The following DIP2B variants were observed in gnomAD, a reference collection of about 807,000 sequenced individuals.
DIP2B encodes disco-interacting protein 2 homolog B.
DIP2B carries 76 observed loss-of-function variants against 198.0 expected under a neutral mutation model. The observed-to-expected ratio is 0.38, with a 90% confidence interval of 0.32 to 0.46. The LOEUF (loss-of-function observed/expected upper bound fraction) is 0.46. Among genes scored for constraint, DIP2B ranks in the 20% least tolerant of loss-of-function variants. The pLI is 0.99. For synonymous variants in DIP2B, 701 were observed against 739.1 expected (o/e 0.95, Z 0.84); for missense variants, 1,559 against 1,978.4 (o/e 0.79, Z 4.02).
chr12:50,543,331 C>T (rs1958343258), intron 1 of DIP2B, among the ~76,000 whole-genome samples: 1 of 151,750 alleles, frequency 6.6e-6, no homozygotes, highest in South Asian at 2.1e-4. Flanking sequence ...TCGCTGTCAC[C>T]TAGGCTGGAG....
chr12:50,561,899 A>G (rs1958522464), intron 1 of DIP2B, among the ~76,000 whole-genome samples: 1 of 152,144 alleles, frequency 6.6e-6, no homozygotes, highest in Non-Finnish European at 1.5e-5. Flanking sequence ...ATGAACCACC[A>G]TGCCTGACCT....
chr12:50,647,282 G>T (rs931610334), intron 3 of DIP2B, among the ~76,000 whole-genome samples: 9 of 151,916 alleles, frequency 5.9e-5, no homozygotes, highest in African/African-American at 2.2e-4. Context: ...TCTCCCCCCC[G>T]CCCAAAACAA....
rs138561571 is a variant in DIP2B at position 50,693,448 on chromosome 12, T to C, written c.1719+435T>C. ...GACATTTCAAGTGGCAAAACTACTA[T>C]ATGTAACATGCCATATAGGTGGAGA... is the stretch of plus-strand genomic sequence containing the variant. On this transcript the variant is annotated intron_variant, in intron 14 of 37. Transcript: ENST00000301180. Among the ~76,000 whole-genome samples, 5 of 152,236 alleles carry C rather than the reference T, an allele frequency of 3.3e-5. 1 individual carries two copies. Among genetic ancestry groups the C allele is most frequent in the South Asian group, 2.1e-4 (1 of 4,826 alleles).
chr12:50,681,777 T>C (rs2139536088), intron 9 of DIP2B, among the ~76,000 whole-genome samples: 1 of 152,290 alleles, frequency 6.6e-6, no homozygotes, highest in East Asian at 1.9e-4. Context: ...AAAGGGCACA[T>C]AAAGGATGGC....
In DIP2B at chr12:50,697,187, G is replaced by T; in HGVS notation, c.2048+12G>T. 1 of 1,610,776 alleles carries T rather than the reference G, an allele frequency of 6.2e-7. No homozygotes were observed. Among genetic ancestry groups the T allele is most frequent in the South Asian group, 1.1e-5 (1 of 90,792 alleles). ...GTAGCAATCCGCAGGTACTGTTCAG[G>T]ATGTCAGATGCTCTTGATGTATGTT... On this transcript the variant is annotated intron_variant, in intron 17 of 37. Coordinates refer to ENST00000301180, the MANE Select transcript of DIP2B (RefSeq NM_173602.3).
chr12:50,730,742 T>A (rs1483095540), intron 30 of DIP2B, among the ~76,000 whole-genome samples: 1 of 152,182 alleles, frequency 6.6e-6, no homozygotes, highest in Non-Finnish European at 1.5e-5. Context: ...TTATCGGCCT[T>A]TGTAAATGTT....
intron 1 of DIP2B, among the ~76,000 whole-genome samples, chr12:50,516,241 C>CTCTCTCTCTCTCTCTA (rs1555180929): frequency 7.1e-6 from 1 of 140,996 alleles, no homozygotes; most frequent in African/African-American, 2.8e-5. Flanking sequence ...CTCTCTCTCT[C>CTCTCTCTCTCTCTCTA]TCTCTATCTC....
chr12:50,533,614 C>CTT lies in DIP2B; in HGVS notation c.100+28385_100+28386dup, dbSNP rs111296788. 8.6e-3 allele frequency among the ~76,000 whole-genome samples: 1,252 copies of CTT among 146,258 alleles called. 13 individuals are homozygous for CTT. The highest frequency in any genetic ancestry group is 0.025 in the African/African-American group (997 of 40,052). ...CCTATCAAGGAAGACAACTTTTTTC[C>CTT]TTTTTTTTTTTTGAGACAGGATCTT... On this transcript the variant is annotated intron_variant, in intron 1 of 37. Transcript: ENST00000301180.
chr12:50,584,936 G>A (rs1238609422), intron 1 of DIP2B, among the ~76,000 whole-genome samples: 1 of 152,138 alleles, frequency 6.6e-6, no homozygotes, highest in Non-Finnish European at 1.5e-5. Context: ...AATCAATTAC[G>A]ACTCCTTCAG....
intron 1 of DIP2B, among the ~76,000 whole-genome samples, chr12:50,538,918 A>G (rs778626576): frequency 9.2e-5 from 14 of 152,110 alleles, no homozygotes; most frequent in Non-Finnish European, 1.8e-4. Flanking sequence ...CCAGCTTTCT[A>G]TGCTCCTTTT....
chr12:50,678,709 C>T lies in DIP2B; in HGVS notation c.947C>T (p.Pro316Leu), dbSNP rs752300911. The T allele has an allele frequency of 8.1e-6, 13 of 1,614,144 alleles. No homozygotes were observed. The highest frequency in any genetic ancestry group is 1.1e-5 in the Non-Finnish European group (13 of 1,180,020). The change falls in exon 8 of 38, where the codon CCG becomes CTG. Residue 316 changes from proline to leucine, a missense_variant. Pro to Leu is a moderately conservative substitution (Grantham distance 98). Coordinates refer to ENST00000301180, the MANE Select transcript of DIP2B (RefSeq NM_173602.3). ...VPQPDPNQPK[P>L]EGRQMTPVKG... ...CAGCCAGACCCCAACCAGCCCAAGC[C>T]GGAGGGACGGCAGATGACCCCTGTG...
chr12:50,640,886 G>C, intron 3 of DIP2B, 34 bp downstream of exon 3: 2 of 1,601,066 alleles, frequency 1.2e-6, no homozygotes, highest in Admixed American at 1.7e-5. Flanking sequence ...CAGCTGAATC[G>C]TTTTCCTAAC....
At chr12:50,609,870 T>G (rs1959016902) in intron 1 of DIP2B, among the ~76,000 whole-genome samples, 1 of 152,244 alleles carries the variant, frequency 6.6e-6, no homozygotes, top group African/African-American at 2.4e-5. Context: ...TGTTTCATGT[T>G]CTGTTAAAAC....
At chr12:50,639,784 A>G (rs1036295726) in intron 2 of DIP2B, among the ~76,000 whole-genome samples, 1 of 152,194 alleles carries the variant, frequency 6.6e-6, no homozygotes, top group African/African-American at 2.4e-5. Flanking sequence ...ATATGTGACA[A>G]CATGGATGAA....
chr12:50,637,856 G>T (rs1938186476), intron 2 of DIP2B, among the ~76,000 whole-genome samples: 1 of 152,110 alleles, frequency 6.6e-6, no homozygotes, highest in Admixed American at 6.5e-5. Flanking sequence ...GAAATGTGTA[G>T]TTTTTTGCTA....
At chr12:50,717,247 G>GAACTCTGGCACAAATGATC in intron 23 of DIP2B, among the ~76,000 whole-genome samples, 1 of 144,670 alleles carries the variant, frequency 6.9e-6, no homozygotes, top group African/African-American at 2.6e-5. Flanking sequence ...GCCTGGCCTT[G>GAACTCTGGCACAAATGATC]CTGACATTTT....
intron 1 of DIP2B, among the ~76,000 whole-genome samples, chr12:50,506,589 A>G (rs1957970379): frequency 8.2e-6 from 1 of 121,468 alleles, no homozygotes; most frequent in Admixed American, 8.7e-5. Context: ...TCCAATTTTC[A>G]AGTTATTCTT....
intron 27 of DIP2B, among the ~76,000 whole-genome samples, chr12:50,724,367 G>A (rs979004927): frequency 1.3e-5 from 2 of 152,142 alleles, no homozygotes; most frequent in African/African-American, 4.8e-5. Context: ...GGTGTAGTAA[G>A]TCTCATCATT....
intron 1 of DIP2B, among the ~76,000 whole-genome samples, chr12:50,584,194 C>A (rs1958749358): frequency 6.6e-6 from 1 of 152,202 alleles, no homozygotes; most frequent in Admixed American, 6.5e-5. Context: ...CCTCTAACTT[C>A]CACCTTGATA....
Sources: allele counts gnomAD v4.1 joint callset (sites outside exome capture counted in the v4.1 genomes callset), GRCh38; gene constraint gnomAD v4.1.1; transcripts MANE v1.5; gene names NCBI Gene and HGNC (gene_info 2026-07-23, HGNC 2026-07-21).